Variants in TGDS observed in about 807,000 individuals in gnomAD.
TGDS encodes the protein TDP-glucose 4,6-dehydratase.
In TGDS, 47 loss-of-function variants were observed where a neutral mutation model predicts 52.3. The ratio of observed to expected loss-of-function variants is 0.90; its 90% CI spans 0.71 to 1.15. The LOEUF (loss-of-function observed/expected upper bound fraction) is 1.15. Among genes scored for constraint, TGDS ranks in the 50% most tolerant of loss-of-function variants. The probability of loss-of-function intolerance (pLI) is 0.00; values close to 1 mark genes in which losing one functional copy is unlikely to be tolerated. For synonymous variants in TGDS, 115 were observed against 136.9 expected (o/e 0.84, Z 1.12); for missense variants, 375 against 418.4 (o/e 0.90, Z 0.90).
intron 4 of TGDS, among the ~76,000 whole-genome samples, chr13:94,583,720 G>A (rs1888882182): frequency 6.6e-6 from 1 of 151,970 alleles, no homozygotes; most frequent in Non-Finnish European, 1.5e-5. Flanking sequence ...GGAAGAGGAT[G>A]ATAAATTTGA....
In TGDS at chr13:94,581,997, C is replaced by T. The variant is rs749138324; in HGVS notation, c.457-808G>A. Among the ~76,000 whole-genome samples, 6 of 152,130 alleles carry T rather than the reference C, an allele frequency of 3.9e-5. No homozygotes were observed. The East Asian group carries it at 9.7e-4, about 25-fold the overall frequency. On this transcript the variant is annotated intron_variant, in intron 5 of 11. Coordinates refer to ENST00000261296, the MANE Select transcript of TGDS (RefSeq NM_014305.4). ...GGCGGATCACCTGAGGTCAGGAGTTCGAGACCAGCCTGACCAACATGGAGA... is the reference window on the plus strand; with the variant it reads ...GGCGGATCACCTGAGGTCAGGAGTTTGAGACCAGCCTGACCAACATGGAGA...
chr13:94,592,151 C>A, intron 3 of TGDS, 90 bp downstream of exon 3: 3 of 937,620 alleles, frequency 3.2e-6, no homozygotes, highest in Non-Finnish European at 4.6e-6. Context: ...TCTTTTCAAG[C>A]CCACATTACA....
chr13:94,585,391 A>T (rs1888940653), intron 4 of TGDS, among the ~76,000 whole-genome samples: 1 of 152,224 alleles, frequency 6.6e-6, no homozygotes, highest in South Asian at 2.1e-4. Flanking sequence ...TAAATGAAGA[A>T]TGACATAATT....
chr13:94,586,553 T>C (rs1888989769), intron 4 of TGDS, among the ~76,000 whole-genome samples: 1 of 152,102 alleles, frequency 6.6e-6, no homozygotes, highest in South Asian at 2.1e-4. Flanking sequence ...TTCTTTTCAA[T>C]ACACACACGA....
chr13:94,581,232 T>C, intron 5 of TGDS, 43 bp from the exon 6 acceptor site: 2 of 1,310,910 alleles, frequency 1.5e-6, no homozygotes, highest in Non-Finnish European at 2.1e-6. Context: ...TATGCATATT[T>C]TAAGTATAGA....
intron 8 of TGDS, 104 bp downstream of exon 8, chr13:94,578,626 A>G: frequency 1.3e-6 from 1 of 790,908 alleles, no homozygotes; most frequent in South Asian, 1.7e-5. Flanking sequence ...TTAGTGGGGC[A>G]TTCAATTCTA....
At chr13:94,591,506 T>C (rs908133850) in intron 3 of TGDS, among the ~76,000 whole-genome samples, 5 of 152,122 alleles carry the variant, frequency 3.3e-5, no homozygotes, top group African/African-American at 1.2e-4. Context: ...AGCAGGAGAA[T>C]TGCTTGAACC....
Position 94,590,943 on chromosome 13 carries a change from C to T in TGDS, c.223G>A (p.Gly75Ser). 2 of 1,565,616 alleles carry T rather than the reference C, an allele frequency of 1.3e-6. No individual in the cohort carries two copies. The highest frequency in any genetic ancestry group is 1.7e-6 in the Non-Finnish European group (2 of 1,163,216). ...SNKQNYKFIQ[G>S]DICDSHFVKL... ...ACAAAGTGAGAATCACATATGTCACCCTATATGAAAAAGCAAACATGAAAG... is the reference window on the plus strand; with the variant it reads ...ACAAAGTGAGAATCACATATGTCACTCTATATGAAAAAGCAAACATGAAAG... Residue 75 changes from glycine to serine, a missense_variant and splice_region_variant, in exon 4 of 12, where the codon GGT (glycine) becomes AGT (serine). Physicochemically the swap from Gly to Ser is moderately conservative, Grantham distance 56 (BLOSUM62 0). Transcript: ENST00000261296.
chr13:94,575,844 G>T (rs1383849691), intron 11 of TGDS, among the ~76,000 whole-genome samples: 4 of 151,706 alleles, frequency 2.6e-5, no homozygotes, highest in Non-Finnish European at 5.9e-5. Flanking sequence ...AGATTTTTCT[G>T]CACATACTAA....
At position 94,591,089 on chromosome 13, in the gene TGDS, T is replaced by C. The variant is rs1889185611; in HGVS notation, c.223-146A>G. On this transcript the variant is annotated intron_variant, in intron 3 of 11. Coordinates refer to ENST00000261296, the MANE Select transcript of TGDS (RefSeq NM_014305.4). The stretch of plus-strand genomic sequence containing the variant: ...ATTCAACTAAGTGCTCAAACAAGGA[T>C]ACCAATGATGTATTTCTCCAGCATC... 3 of 606,364 alleles carry C rather than the reference T, an allele frequency of 4.9e-6. No individual in the cohort carries two copies. The East Asian group carries it at 9.7e-5, about 20-fold the overall frequency. The allele number at this position is 606,364 out of a possible 1,614,324, so 37.6% of individuals were successfully genotyped here.
chr13:94,581,453 G>A (rs990782739), intron 5 of TGDS, among the ~76,000 whole-genome samples: 4 of 152,152 alleles, frequency 2.6e-5, no homozygotes, highest in African/African-American at 7.2e-5. Context: ...GATGTGAGGC[G>A]AGAGACAGTG....
intron 2 of TGDS, 121 bp from the exon 3 acceptor site, chr13:94,592,430 T>C: frequency 5.4e-6 from 4 of 737,106 alleles, no homozygotes; most frequent in Non-Finnish European, 8.5e-6. Context: ...CATGTCCTCT[T>C]AAAGTGTGTT....
Position 94,575,322 on chromosome 13 carries a change from C to T in TGDS, c.983-470G>A, listed in dbSNP as rs78130573. ...TTTTTTTTTTAAAGAGATGGGGTCT[C>T]GCTGTCACCCAGACTAGAGTGTAGT... is the stretch of plus-strand genomic sequence containing the variant. On this transcript the variant is annotated intron_variant, in intron 11 of 11. Transcript: ENST00000261296. 3.2e-3 allele frequency among the ~76,000 whole-genome samples: 441 copies of T among 139,094 alleles called. 15 individuals are homozygous for T. Among genetic ancestry groups the T allele is most frequent in the Admixed American group, 0.03 (404 of 13,370 alleles). 91.3% of individuals were successfully genotyped at this position (139,094 alleles called of 152,430 possible).
chr13:94,583,672 A>G (rs1235832433), intron 4 of TGDS, among the ~76,000 whole-genome samples: 2 of 152,320 alleles, frequency 1.3e-5, no homozygotes, highest in Admixed American at 1.3e-4. Context: ...AACGGAAGGA[A>G]CTTCCTTAAT....
chr13:94,593,014 C>T (rs2139546225), intron 2 of TGDS, among the ~76,000 whole-genome samples: 1 of 152,098 alleles, frequency 6.6e-6, no homozygotes, highest in South Asian at 2.1e-4. Context: ...TTTAGCTGGG[C>T]TTGGTGGCAT....
At chr13:94,577,326 C>T in intron 10 of TGDS, 45 bp downstream of exon 10, 1 of 1,439,252 alleles carries the variant, frequency 6.9e-7, no homozygotes, top group East Asian at 2.5e-5. Flanking sequence ...TTATAAGTAC[C>T]TAAGATTTCA....
chr13:94,579,689 T>G, intron 7 of TGDS: 1 of 430,332 alleles, frequency 2.3e-6, no homozygotes, highest in Non-Finnish European at 4.1e-6. Flanking sequence ...TGAAGCCAGC[T>G]GGTGAGTGTC....
chr13:94,579,939 G>C lies in TGDS; in HGVS notation c.570C>G (p.Ile190Met). 1 of 1,600,582 alleles carries C rather than the reference G, an allele frequency of 6.2e-7. No individual in the cohort carries two copies. Among genetic ancestry groups the C allele is most frequent in the East Asian group, 2.2e-5 (1 of 44,628 alleles). The change falls in exon 7 of 12, where the codon ATC (isoleucine) becomes ATG (methionine). Residue 190 changes from isoleucine (I) to methionine (M), a missense_variant. By Grantham distance (10) the Ile-to-Met change is conservative. Coordinates refer to ENST00000261296, the MANE Select transcript of TGDS (RefSeq NM_014305.4). ...GTCCATAAACATTACTGCTTCTTGT[G>C]ATGACAACTGGAAACTTAAAAGAAT... ...YWEQYKFPVV[I>M]TRSSNVYGPH...
intron 1 of TGDS, 49 bp downstream of exon 1, chr13:94,596,002 G>C (rs951874366): frequency 1.2e-5 from 19 of 1,607,398 alleles, no homozygotes; most frequent in Non-Finnish European, 1.5e-5. Flanking sequence ...GCGGGAAAAG[G>C]TAGGGGTTTC....
Sources: allele counts gnomAD v4.1 joint callset (sites outside exome capture counted in the v4.1 genomes callset), GRCh38; gene constraint gnomAD v4.1.1; transcripts MANE v1.5; gene names NCBI Gene and HGNC (gene_info 2026-07-23, HGNC 2026-07-21).